Variants in PPP1R13B observed in about 807,000 individuals in gnomAD.
PPP1R13B encodes the protein apoptosis-stimulating of p53 protein 1.
In PPP1R13B, 44 loss-of-function variants were observed where a neutral mutation model predicts 119.8. The ratio of observed to expected loss-of-function variants is 0.37; its 90% CI spans 0.29 to 0.47. The LOEUF (loss-of-function observed/expected upper bound fraction) is 0.47. Ranked by LOEUF, PPP1R13B falls within the 20% of genes least tolerant of loss-of-function variation. The pLI is 0.99. For missense variants in PPP1R13B, 1,227 were observed against 1,413.5 expected, an observed-to-expected ratio of 0.87 and a Z score of 2.12; for synonymous variants, 542 against 561.5, an observed-to-expected ratio of 0.97 and a Z score of 0.49.
chr14:103,835,705 T>A (rs1224117825), intron 1 of PPP1R13B, among the ~76,000 whole-genome samples: 3 of 146,838 alleles, frequency 2.0e-5, no homozygotes, highest in Non-Finnish European at 3.0e-5. Flanking sequence ...GCCTCCTGGG[T>A]TCATGCCATT....
intron 3 of PPP1R13B, among the ~76,000 whole-genome samples, chr14:103,780,809 T>TA (rs202112499): frequency 0.082 from 10,314 of 126,122 alleles, 882 homozygotes; most frequent in African/African-American, 0.22. Context: ...ACTCTGTCTC[T>TA]AAAAAAAAAA....
chr14:103,842,527 T>C (rs1165012684), intron 1 of PPP1R13B, among the ~76,000 whole-genome samples: 1 of 151,406 alleles, frequency 6.6e-6, no homozygotes, highest in Admixed American at 6.6e-5. Flanking sequence ...GGTCTTGAAC[T>C]CCTGACCTCA....
chr14:103,799,367 A>G (rs1466117359), intron 1 of PPP1R13B, among the ~76,000 whole-genome samples: 1 of 151,718 alleles, frequency 6.6e-6, no homozygotes, highest in Non-Finnish European at 1.5e-5. Context: ...TTCAGTAGAG[A>G]CGGGGTTTCA....
intron 1 of PPP1R13B, among the ~76,000 whole-genome samples, chr14:103,801,925 C>T (rs1363244031): frequency 1.3e-5 from 2 of 152,174 alleles, no homozygotes; most frequent in African/African-American, 4.8e-5. Flanking sequence ...AATTAAGTAA[C>T]AGTTACCTCT....
chr14:103,746,861 C>G (rs1035626389), intron 8 of PPP1R13B: 10 of 203,046 alleles, frequency 4.9e-5, no homozygotes, highest in Non-Finnish European at 8.9e-5. Flanking sequence ...CTCTTCCTCC[C>G]TTGAGTGGGC....
Position 103,738,336 on chromosome 14 carries a change from T to C in PPP1R13B, c.2864+343A>G, listed in dbSNP as rs572663052. ...AACCTACATGCCTGACCCAGGGGGATGCTGAGGCTGCTTTTCACACGGAGC... is the reference window on the plus strand; with the variant it reads ...AACCTACATGCCTGACCCAGGGGGACGCTGAGGCTGCTTTTCACACGGAGC... On this transcript the variant is annotated intron_variant, in intron 14 of 16. Coordinates refer to ENST00000202556, the MANE Select transcript of PPP1R13B (RefSeq NM_015316.3). The surrounding 1 kb of genome is among the most constrained non-coding windows in gnomAD (Gnocchi z 5.6). 1.2e-4 allele frequency: 40 copies of C among 331,796 alleles called. No individual in the cohort carries two copies. Among genetic ancestry groups the C allele is most frequent in the South Asian group, 1.1e-3 (30 of 26,390 alleles). 20.6% of individuals were successfully genotyped at this position (331,796 alleles called of 1,614,324 possible).
At position 103,738,573 on chromosome 14, in the gene PPP1R13B, C is replaced by T. The variant is rs756357469; in HGVS notation, c.2864+106G>A. The T allele has an allele frequency of 3.0e-5, 45 of 1,507,606 alleles. No homozygotes were observed. The highest frequency in any genetic ancestry group is 3.9e-5 in the Non-Finnish European group (43 of 1,109,044). The allele number at this position is 1,507,606 out of a possible 1,614,324, so 93.4% of individuals were successfully genotyped here. ...AAGGATGAAATGATGGGTGTTCTTG[C>T]TCTAATTCTCTCTTCCGTGCTTCCT... On this transcript the variant is annotated intron_variant, in intron 14 of 16. Coordinates refer to ENST00000202556, the MANE Select transcript of PPP1R13B (RefSeq NM_015316.3). This position sits in a 1 kb window ranked among gnomAD's most constrained non-coding sequence, Gnocchi z 5.6.
chr14:103,817,613 GA>G (rs1296035999), intron 1 of PPP1R13B, among the ~76,000 whole-genome samples: 2 of 151,876 alleles, frequency 1.3e-5, no homozygotes, highest in East Asian at 3.9e-4. Context: ...GATAAAATCA[GA>G]ATGAAATTTA....
At position 103,738,704 on chromosome 14, in the gene PPP1R13B, C is replaced by T. The variant is rs1567080467; in HGVS notation, c.2839G>A (p.Val947Met). Residue 947 changes from valine (V) to methionine (M), a missense_variant, in exon 14 of 17, where the codon GTG becomes ATG. Transcript: ENST00000202556. The surrounding 1 kb of genome is among the most constrained non-coding windows in gnomAD (Gnocchi z 5.6). Reference sequence around the variant, plus strand: ...CATCCATCACTATCAGCAGCATTCACGTTGACACCAAAATCCAGCAGGAAC... The same window carrying T: ...CATCCATCACTATCAGCAGCATTCATGTTGACACCAAAATCCAGCAGGAAC... ...VKFLLDFGVN[V>M]NAADSDGWTP... 1.2e-6 allele frequency: 2 copies of T among 1,614,258 alleles called. No homozygotes were observed. The highest frequency in any genetic ancestry group is 1.3e-5 in the African/African-American group (1 of 75,068).
chr14:103,802,657 G>C (rs1445260801), intron 1 of PPP1R13B, among the ~76,000 whole-genome samples: 2 of 152,122 alleles, frequency 1.3e-5, no homozygotes, highest in South Asian at 4.1e-4. Context: ...GCTCTGAAAC[G>C]CGGAATTCTT....
At chr14:103,799,218 A>G (rs1244453057) in intron 1 of PPP1R13B, among the ~76,000 whole-genome samples, 1 of 151,838 alleles carries the variant, frequency 6.6e-6, no homozygotes, top group African/African-American at 2.4e-5. Flanking sequence ...TCGCTCTGTC[A>G]CGCAGGCTGG....
intron 1 of PPP1R13B, among the ~76,000 whole-genome samples, chr14:103,833,949 G>T (rs1168017862): frequency 6.6e-6 from 1 of 152,226 alleles, no homozygotes; most frequent in African/African-American, 2.4e-5. Context: ...CCTTCAGTAA[G>T]CAAGTACATG....
chr14:103,805,328 T>C (rs999567596), intron 1 of PPP1R13B, among the ~76,000 whole-genome samples: 2 of 152,072 alleles, frequency 1.3e-5, no homozygotes, highest in Non-Finnish European at 2.9e-5. Flanking sequence ...CCTAGAACTT[T>C]GGGAGGCCAA....
At chr14:103,780,360 G>C (rs187433065) in intron 3 of PPP1R13B, among the ~76,000 whole-genome samples, 30 of 151,096 alleles carry the variant, frequency 2.0e-4, no homozygotes, top group African/African-American at 7.3e-4. Flanking sequence ...GGTGGCACAC[G>C]CCTGCGGTCC....
chr14:103,835,484 ACAGTGGTGTGAT>A (rs1198540644), intron 1 of PPP1R13B, among the ~76,000 whole-genome samples: 1 of 149,048 alleles, frequency 6.7e-6, no homozygotes, highest in Non-Finnish European at 1.5e-5. Context: ...AGACTGAAGT[ACAGTGGTGTGAT>A]CATACCTCAC....
intron 1 of PPP1R13B, among the ~76,000 whole-genome samples, chr14:103,806,297 G>T (rs12879501): frequency 0.44 from 67,584 of 151,960 alleles, 15,535 homozygotes; most frequent in African/African-American, 0.56. Flanking sequence ...ACCCAATCAG[G>T]TAAAGTATTA....
At chr14:103,800,438 A>C (rs1277486899) in intron 1 of PPP1R13B, among the ~76,000 whole-genome samples, 1 of 152,132 alleles carries the variant, frequency 6.6e-6, no homozygotes, top group Non-Finnish European at 1.5e-5. Context: ...GGACTACTTG[A>C]GATCAGGAGT....
At chr14:103,796,073 C>T (rs1314259017) in intron 2 of PPP1R13B, among the ~76,000 whole-genome samples, 1 of 152,148 alleles carries the variant, frequency 6.6e-6, no homozygotes, top group Non-Finnish European at 1.5e-5. Context: ...AGGTGGATCA[C>T]TTGAGCCCAG....
intron 4 of PPP1R13B, among the ~76,000 whole-genome samples, chr14:103,771,656 T>C (rs1056565839): frequency 1.3e-5 from 2 of 152,000 alleles, no homozygotes; most frequent in Non-Finnish European, 2.9e-5. Flanking sequence ...AATTTTTGTA[T>C]TTTTAGTAGA....
Sources: allele counts gnomAD v4.1 joint callset (sites outside exome capture counted in the v4.1 genomes callset), GRCh38; gene constraint gnomAD v4.1.1; non-coding constraint Gnocchi (gnomAD v3.1); transcripts MANE v1.5; gene names NCBI Gene and HGNC (gene_info 2026-07-23, HGNC 2026-07-21).